Variants in CELSR1 observed in about 807,000 individuals in gnomAD.
CELSR1 encodes adhesion G protein-coupled receptor C1.
A neutral mutation model predicts 249.1 loss-of-function variants in CELSR1; 110 were observed. The observed-to-expected ratio is 0.44, with a 90% CI of 0.38 to 0.52. CELSR1 has a LOEUF of 0.52. CELSR1 is among the 20% of genes least tolerant of loss of function. The pLI, the probability that CELSR1 is intolerant of heterozygous loss-of-function variation, is 0.00. For missense variants in CELSR1, 4,109 were observed against 4,296.4 expected (o/e 0.96, Z 1.22); for synonymous variants, 2,113 against 1,900.0 (o/e 1.11, Z -2.92).
chr22:46,392,237 G>A (rs1301514891), intron 14 of CELSR1, among the ~76,000 whole-genome samples: 1 of 152,198 alleles, frequency 6.6e-6, no homozygotes, highest in Non-Finnish European at 1.5e-5. Flanking sequence ...CTTGTACTTC[G>A]GGTTCAGAAA....
At chr22:46,508,398 C>T (rs1167363302) in intron 1 of CELSR1, among the ~76,000 whole-genome samples, 3 of 151,964 alleles carry the variant, frequency 2.0e-5, no homozygotes, top group Non-Finnish European at 4.4e-5. Flanking sequence ...TCCCCCTGAC[C>T]GTCCCCTGCG....
At chr22:46,387,470 T>C (rs980013891) in intron 18 of CELSR1, among the ~76,000 whole-genome samples, 3 of 149,084 alleles carry the variant, frequency 2.0e-5, no homozygotes, top group African/African-American at 7.8e-5. Context: ...AGCCTCTGCC[T>C]CCCGGGTTCA....
rs1489178119 is a variant in CELSR1, at chr22:46,446,139, C to T, written c.4184-6728G>A. 6.6e-6 allele frequency among the ~76,000 whole-genome samples: 1 copy of T among 152,290 alleles called. No homozygotes were observed. The highest frequency in any genetic ancestry group is 2.1e-4 in the South Asian group (1 of 4,824). On this transcript the variant is annotated intron_variant, in intron 2 of 34. Coordinates refer to ENST00000674500, the MANE Select transcript of CELSR1 (RefSeq NM_001378328.1). The surrounding 1 kb of genome is among the most constrained non-coding windows in gnomAD (Gnocchi z 5.5). ...CCAGCCACACACCCAGCCCCCTCCA[C>T]ACCATACTCACGAGCCTGTGCCGGC...
chr22:46,398,600 G>A lies in CELSR1; in HGVS notation c.5450C>T (p.Thr1817Met), dbSNP rs145851305. 2.7e-4 allele frequency: 436 copies of A among 1,613,800 alleles called. 2 individuals carry two copies. In the African/African-American group the frequency reaches 4.6e-3, roughly 17 times the overall value. The change falls in exon 11 of 35, where the codon ACG (threonine) becomes ATG (methionine). Residue 1817 changes from threonine (T) to methionine (M), a missense_variant. Physicochemically the swap from Thr to Met is moderately conservative, Grantham distance 81. Around this residue, in one of 7 missense-constraint regions of CELSR1, gnomAD observed 1,805 missense variants for 1,831.6 expected, o/e 0.99. Transcript: ENST00000674500. The surrounding 1 kb of genome is among the most constrained non-coding windows in gnomAD (Gnocchi z 7.2). Reference sequence around the variant, plus strand: ...GCCTCCGACCACCACGCTCCTTACCGTCAGCCCGGGAAGCATGCCCCCGAT... The same window carrying A: ...GCCTCCGACCACCACGCTCCTTACCATCAGCCCGGGAAGCATGCCCCCGAT... ...ADIGGMLPGLTVRSVVVGGAS... is the reference protein window; with the variant it reads ...ADIGGMLPGLMVRSVVVGGAS...
At position 46,408,860 on chromosome 22, in the gene CELSR1, C is replaced by T. The variant is rs909531141; in HGVS notation, c.5226+136G>A. On this transcript the variant is annotated intron_variant, in intron 9 of 34. Coordinates refer to ENST00000674500, the MANE Select transcript of CELSR1 (RefSeq NM_001378328.1). This position sits in a 1 kb window ranked among gnomAD's most constrained non-coding sequence, Gnocchi z 4.6. ...GGCTGATATTCCCCTTCCCCCTCTT[C>T]GGAGAACCCCAGGGGCGGGCGCCGG... The T allele has an allele frequency of 1.9e-5, 13 of 674,570 alleles. No individual in the cohort carries two copies. Among genetic ancestry groups the T allele is most frequent in the Admixed American group, 3.1e-5 (1 of 31,850 alleles). The allele number at this position is 674,570 out of a possible 1,614,324, so 41.8% of individuals were successfully genotyped here.
At chr22:46,521,646 G>A (rs189142370) in intron 1 of CELSR1, among the ~76,000 whole-genome samples, 4 of 151,750 alleles carry the variant, frequency 2.6e-5, no homozygotes, top group Non-Finnish European at 4.4e-5. Flanking sequence ...GAGAAACCCC[G>A]TCTCTACTAA....
chr22:46,533,522 C>G lies in CELSR1; in HGVS notation c.3544+105G>C, dbSNP rs1311850332. On this transcript the variant is annotated intron_variant, in intron 1 of 34. Transcript: ENST00000674500. ...AAATCCTTGCAGAGTTGCCCGGGCCCGGCCCAATTGCGCCCCGGCATGCCA... is the reference window on the plus strand; with the variant it reads ...AAATCCTTGCAGAGTTGCCCGGGCCGGGCCCAATTGCGCCCCGGCATGCCA... The G allele has an allele frequency of 2.1e-6, 3 of 1,453,992 alleles. No individual in the cohort carries two copies. In the African/African-American group the frequency reaches 4.3e-5, roughly 21 times the overall value. The allele number at this position is 1,453,992 out of a possible 1,614,324, so 90.1% of individuals were successfully genotyped here. A position where few individuals can be genotyped will look rare whatever the true frequency, so the allele number is the denominator to read the frequency against.
chr22:46,476,953 CAA>C (rs2080214858), intron 1 of CELSR1, among the ~76,000 whole-genome samples: 1 of 151,828 alleles, frequency 6.6e-6, no homozygotes, highest in African/African-American at 2.4e-5. Context: ...TTTTAAAAGG[CAA>C]AAAGAGTTAA....
rs773871471 is a variant in CELSR1 at position 46,446,727 on chromosome 22, T to A, written c.4184-7316A>T. 2.6e-5 allele frequency among the ~76,000 whole-genome samples: 4 copies of A among 152,168 alleles called. No homozygotes were observed. The highest frequency in any genetic ancestry group is 5.9e-5 in the Non-Finnish European group (4 of 68,030). On this transcript the variant is annotated intron_variant, in intron 2 of 34. Coordinates refer to ENST00000674500, the MANE Select transcript of CELSR1 (RefSeq NM_001378328.1). This position sits in a 1 kb window ranked among gnomAD's most constrained non-coding sequence, Gnocchi z 5.5. Reference sequence around the variant, plus strand: ...ATGACTGATGCCTGCACTTAATCCATGAGTTACAAAACGACATAATTCCCA... The same window carrying A: ...ATGACTGATGCCTGCACTTAATCCAAGAGTTACAAAACGACATAATTCCCA...
rs1216834160 is a variant in CELSR1, at chr22:46,454,726, T to C, written c.4183+8981A>G. On this transcript the variant is annotated intron_variant, in intron 2 of 34. Transcript: ENST00000674500. This position sits in a 1 kb window ranked among gnomAD's most constrained non-coding sequence, Gnocchi z 5.1. ...CTTAGCGTTCGCAAAGGTAAACACATCGCAGAAACCTGCCTCCCACCCTGG... is the reference window on the plus strand; with the variant it reads ...CTTAGCGTTCGCAAAGGTAAACACACCGCAGAAACCTGCCTCCCACCCTGG... Among the ~76,000 whole-genome samples, 1 of 152,208 alleles carries C rather than the reference T, an allele frequency of 6.6e-6. No homozygotes were observed. The highest frequency in any genetic ancestry group is 1.9e-4 in the East Asian group (1 of 5,194).
intron 33 of CELSR1, 32 bp from the exon 34 acceptor site, chr22:46,364,283 C>T (rs781085644): frequency 1.1e-5 from 17 of 1,597,742 alleles, no homozygotes; most frequent in African/African-American, 2.7e-5. Context: ...AGGTCAAGTC[C>T]GGGTGATGCT....
rs376481806 is a variant in CELSR1 at position 46,397,895 on chromosome 22, T to C, written c.5527-47A>G. ...GGGGCTACAGGAGCCCGGAAAGGTA[T>C]GTAGGGGTTAAGGGAACCCTGAGAC... is the stretch of plus-strand genomic sequence containing the variant. On this transcript the variant is annotated intron_variant, in intron 11 of 34. Coordinates refer to ENST00000674500, the MANE Select transcript of CELSR1 (RefSeq NM_001378328.1). The C allele has an allele frequency of 1.0e-3, 1,475 of 1,437,778 alleles. 32 individuals carry two copies. In the South Asian group the frequency reaches 0.021, roughly 21 times the overall value. The allele number at this position is 1,437,778 out of a possible 1,614,324, so 89.1% of individuals were successfully genotyped here.
chr22:46,451,075 C>T (rs1235042674), intron 2 of CELSR1, among the ~76,000 whole-genome samples: 1 of 152,202 alleles, frequency 6.6e-6, no homozygotes, highest in African/African-American at 2.4e-5. Context: ...CAGCTCCCAC[C>T]GGGAACTGCT....
Position 46,427,046 on chromosome 22 carries a change from T to G in CELSR1, c.4611+6347A>C, listed in dbSNP as rs1045519828. Among the ~76,000 whole-genome samples, 1 of 152,008 alleles carries G rather than the reference T, an allele frequency of 6.6e-6. No individual in the cohort carries two copies. Among genetic ancestry groups the G allele is most frequent in the Non-Finnish European group, 1.5e-5 (1 of 68,000 alleles). ...CTCCAGTGAAGTTCATGGCTTCCAA[T>G]AGGGAGTGATAGATAAATAGGAAAA... On this transcript the variant is annotated intron_variant, in intron 5 of 34. Transcript: ENST00000674500. This position sits in a 1 kb window ranked among gnomAD's most constrained non-coding sequence, Gnocchi z 4.2.
chr22:46,534,222 T>C lies in CELSR1; in HGVS notation c.2949A>G (p.Val983=), dbSNP rs2080824223. 5 of 1,613,684 alleles carry C rather than the reference T, an allele frequency of 3.1e-6. No homozygotes were observed. The highest frequency in any genetic ancestry group is 4.2e-6 in the Non-Finnish European group (5 of 1,180,034). The change falls in exon 1 of 35, where the codon GTA becomes GTG. Residue 983 remains valine (V), a synonymous_variant. Coordinates refer to ENST00000674500, the MANE Select transcript of CELSR1 (RefSeq NM_001378328.1). The surrounding 1 kb of genome is among the most constrained non-coding windows in gnomAD (Gnocchi z 9.7). The part of the protein sequence containing the change: ...RGSPTPLSAS[V]EIQVTILDIN... ...TGTCCAAGATGGTCACCTGGATTTCTACCGAGGCGCTAAGGGGAGTGGGAC... is the reference window on the plus strand; with the variant it reads ...TGTCCAAGATGGTCACCTGGATTTCCACCGAGGCGCTAAGGGGAGTGGGAC...
chr22:46,411,570 AC>A lies in CELSR1; in HGVS notation c.4769+31del. The A allele has an allele frequency of 2.5e-6, 4 of 1,612,416 alleles. No individual in the cohort carries two copies. Among genetic ancestry groups the A allele is most frequent in the Non-Finnish European group, 3.4e-6 (4 of 1,179,268 alleles). On this transcript the variant is annotated intron_variant, in intron 6 of 34. Coordinates refer to ENST00000674500, the MANE Select transcript of CELSR1 (RefSeq NM_001378328.1). The surrounding 1 kb of genome is among the most constrained non-coding windows in gnomAD (Gnocchi z 4.2). Reference sequence around the variant, plus strand: ...AGGGTGAGCATGTTTGGGGGTACGGACCCCCAGGGCCTCCCCTCCTGGGATG... The same window carrying A: ...AGGGTGAGCATGTTTGGGGGTACGGACCCCAGGGCCTCCCCTCCTGGGATG...
rs973041865 is a variant in CELSR1, at chr22:46,508,640, C to G, written c.3544+24987G>C. Among the ~76,000 whole-genome samples, 6 of 152,114 alleles carry G rather than the reference C, an allele frequency of 3.9e-5. No individual in the cohort carries two copies. In the South Asian group the frequency reaches 1.0e-3, roughly 26 times the overall value. ...GGGCGTCCAGGGCTCAGGGAGGGGC[C>G]TCTCCAGAGCCACCCCCACCCCATG... On this transcript the variant is annotated intron_variant, in intron 1 of 34. Coordinates refer to ENST00000674500, the MANE Select transcript of CELSR1 (RefSeq NM_001378328.1).
At chr22:46,378,511 C>A in intron 23 of CELSR1, 80 bp downstream of exon 23, 1 of 1,391,570 alleles carries the variant, frequency 7.2e-7, no homozygotes, top group Admixed American at 2.4e-5. Context: ...GCAGGTTTGG[C>A]GGGGAGGTGC....
At chr22:46,397,591 A>C in intron 12 of CELSR1, 83 bp downstream of exon 12, 1 of 1,259,370 alleles carries the variant, frequency 7.9e-7, no homozygotes, top group Non-Finnish European at 1.0e-6. Flanking sequence ...TGGGGACGCT[A>C]ATGTCTAAAC....
Sources: allele counts gnomAD v4.1 joint callset (sites outside exome capture counted in the v4.1 genomes callset), GRCh38; gene constraint gnomAD v4.1.1; regional missense constraint gnomAD v4.1.1; non-coding constraint Gnocchi (gnomAD v3.1); transcripts MANE v1.5; gene names NCBI Gene and HGNC (gene_info 2026-07-23, HGNC 2026-07-21).